ATXN8OS: variants seen among roughly 807,000 people sequenced by gnomAD.
ATXN8OS encodes ATXN8 opposite strand lncRNA, also known as ATXN8 opposite strand (non-protein coding).
intron 4 of ATXN8OS, among the ~76,000 whole-genome samples, chr13:70,156,822 C>A (rs952357905): frequency 1.9e-4 from 29 of 151,988 alleles, no homozygotes; most frequent in African/African-American, 6.8e-4. Flanking sequence ...TTTGATTTAC[C>A]AATAAGCTCT....
chr13:70,149,044 A>T (rs1167286690), intron 4 of ATXN8OS, among the ~76,000 whole-genome samples: 1 of 151,902 alleles, frequency 6.6e-6, no homozygotes, highest in East Asian at 1.9e-4. Context: ...AACATGAAAA[A>T]CCCTCACACT....
intron 1 of ATXN8OS, among the ~76,000 whole-genome samples, chr13:70,112,843 T>A (rs1888215986): frequency 6.6e-6 from 1 of 151,560 alleles, no homozygotes; most frequent in Non-Finnish European, 1.5e-5. Flanking sequence ...GACAGTGGTT[T>A]ATGAACATTC....
intron 3 of ATXN8OS, among the ~76,000 whole-genome samples, chr13:70,135,618 C>T (rs972182661): frequency 1.3e-5 from 2 of 150,778 alleles, no homozygotes; most frequent in Non-Finnish European, 1.5e-5. Context: ...TACATGGGTC[C>T]ATATTGAACT....
exon 5 of ATXN8OS, among the ~76,000 whole-genome samples, chr13:70,171,233 G>A: frequency 6.6e-6 from 1 of 152,092 alleles, no homozygotes; most frequent in African/African-American, 2.4e-5. Flanking sequence ...TTGAAGAGTT[G>A]GCTGGTGGAA....
chr13:70,111,155 A>G (rs1246120326), intron 1 of ATXN8OS, among the ~76,000 whole-genome samples: 1 of 152,198 alleles, frequency 6.6e-6, no homozygotes, highest in African/African-American at 2.4e-5. Flanking sequence ...ACAAATACAA[A>G]ACTCTTCGCA....
chr13:70,138,157 A>G (rs1304043876), intron 3 of ATXN8OS, among the ~76,000 whole-genome samples: 1 of 152,210 alleles, frequency 6.6e-6, no homozygotes, highest in African/African-American at 2.4e-5. Flanking sequence ...GCCAGACCAT[A>G]TCGCTTGCAA....
chr13:70,166,392 C>T (rs981094177), intron 4 of ATXN8OS, among the ~76,000 whole-genome samples: 5 of 151,960 alleles, frequency 3.3e-5, no homozygotes, highest in South Asian at 4.1e-4. Flanking sequence ...TTTGACAAAC[C>T]TGACAAAAAC....
At chr13:70,152,411 A>G (rs1888880911) in intron 4 of ATXN8OS, among the ~76,000 whole-genome samples, 1 of 151,990 alleles carries the variant, frequency 6.6e-6, no homozygotes, top group African/African-American at 2.4e-5. Context: ...ACATACAAGT[A>G]TACATATATA....
intron 4 of ATXN8OS, among the ~76,000 whole-genome samples, chr13:70,148,931 T>G (rs2137497675): frequency 6.6e-6 from 1 of 152,240 alleles, no homozygotes; most frequent in East Asian, 1.9e-4. Context: ...GGAATAACAT[T>G]CTATAATTTG....
chr13:70,153,242 C>A (rs1343871115), intron 4 of ATXN8OS, among the ~76,000 whole-genome samples: 2 of 152,012 alleles, frequency 1.3e-5, no homozygotes, highest in East Asian at 3.9e-4. Context: ...TTTTTGGCAT[C>A]CTTTTTGTCA....
At chr13:70,137,966 G>A (rs560992067) in intron 3 of ATXN8OS, among the ~76,000 whole-genome samples, 1 of 152,298 alleles carries the variant, frequency 6.6e-6, no homozygotes, top group African/African-American at 2.4e-5. Context: ...GGTGGAGCAG[G>A]GGATAGAGAG....
At chr13:70,112,965 G>A (rs1162642697) in intron 1 of ATXN8OS, among the ~76,000 whole-genome samples, 3 of 132,958 alleles carry the variant, frequency 2.3e-5, no homozygotes, top group Admixed American at 8.7e-5. Context: ...CTCTGTCGCC[G>A]AGGCTGGAGT....
intron 3 of ATXN8OS, among the ~76,000 whole-genome samples, chr13:70,144,926 G>A (rs947397739): frequency 6.6e-6 from 1 of 152,094 alleles, no homozygotes; most frequent in African/African-American, 2.4e-5. Flanking sequence ...ATTTCTAAGT[G>A]TGTAATCCAA....
intron 4 of ATXN8OS, among the ~76,000 whole-genome samples, chr13:70,148,845 T>C (rs968492771): frequency 3.9e-5 from 6 of 152,112 alleles, no homozygotes; most frequent in Non-Finnish European, 8.8e-5. Flanking sequence ...ATTCTATCAA[T>C]AGGCTTATGC....
At position 70,167,763 on chromosome 13, in the gene ATXN8OS, T is replaced by C. The variant is rs371302834; in HGVS notation, n.574-1990T>C. Among the ~76,000 whole-genome samples, 12 of 112,310 alleles carry C rather than the reference T, an allele frequency of 1.1e-4. No homozygotes were observed. The East Asian group carries it at 2.1e-3, about 20-fold the overall frequency. The allele number at this position is 112,310 out of a possible 152,430, so 73.7% of individuals were successfully genotyped here. A position where few individuals can be genotyped will look rare whatever the true frequency, so the allele number is the denominator to read the frequency against. On this transcript the variant is annotated intron_variant and non_coding_transcript_variant, in intron 4 of 4. Coordinates refer to ENST00000678624, the Ensembl canonical transcript of ATXN8OS. ...TTTTTTTTTTTTGAGACAGACAGAG[T>C]CTCGCTCTGTTGCCCAGGCTGGAGT...
intron 4 of ATXN8OS, among the ~76,000 whole-genome samples, chr13:70,151,405 G>C (rs1888864577): frequency 1.3e-5 from 2 of 151,936 alleles, no homozygotes; most frequent in South Asian, 2.1e-4. Context: ...TCTGTGACTG[G>C]CTTATTTCAC....
At chr13:70,159,655 A>G (rs1221784336) in intron 4 of ATXN8OS, among the ~76,000 whole-genome samples, 4 of 152,162 alleles carry the variant, frequency 2.6e-5, no homozygotes, top group South Asian at 2.1e-4. Flanking sequence ...GAGCAATTCT[A>G]TAATTCCAAG....
At chr13:70,160,810 AATATATATAAATATATATTT>A (rs1161044860) in intron 4 of ATXN8OS, among the ~76,000 whole-genome samples, 165 of 14,894 alleles carry the variant, frequency 0.011, 53 homozygotes, top group East Asian at 0.06. Flanking sequence ...ATTTATTATA[AATATATATAAATATATATTT>A]ATATATATAA....
chr13:70,144,380 G>GT (rs1463504638), intron 3 of ATXN8OS, among the ~76,000 whole-genome samples: 2 of 151,844 alleles, frequency 1.3e-5, no homozygotes, highest in African/African-American at 2.4e-5. Flanking sequence ...TATATCACCT[G>GT]TTTTTTGTCC....
Sources: allele counts gnomAD v4.1 joint callset (sites outside exome capture counted in the v4.1 genomes callset), GRCh38; gene constraint gnomAD v4.1.1; transcripts MANE v1.5; gene names NCBI Gene and HGNC (gene_info 2026-07-23, HGNC 2026-07-21).